Variants in RGS12 observed in about 807,000 individuals in gnomAD.
RGS12 encodes the protein regulator of G protein signaling 12.
Under a neutral mutation model 120.1 loss-of-function variants are expected in RGS12, and 66 were observed. The ratio of observed to expected loss-of-function variants is 0.55; its 90% CI spans 0.45 to 0.67. The LOEUF (loss-of-function observed/expected upper bound fraction) is 0.67. Among genes scored for constraint, RGS12 ranks in the 30% least tolerant of loss-of-function variants. The pLI is 0.00. For synonymous variants in RGS12, 827 were observed against 804.7 expected, an observed-to-expected ratio of 1.03 and a Z score of -0.47; for missense variants, 1,859 against 1,957.7, an observed-to-expected ratio of 0.95 and a Z score of 0.95.
intron 1 of RGS12, among the ~76,000 whole-genome samples, chr4:3,300,171 G>T (rs1027613712): frequency 3.3e-5 from 5 of 152,234 alleles, no homozygotes; most frequent in Non-Finnish European, 1.5e-5. Context: ...CTGGGAACAG[G>T]TGCTCGCCTC....
intron 2 of RGS12, among the ~76,000 whole-genome samples, chr4:3,323,339 A>G (rs984364408): frequency 9.2e-5 from 14 of 152,260 alleles, no homozygotes; most frequent in African/African-American, 3.4e-4. Context: ...CACAATGCGA[A>G]CAGCACTGTA....
the RGS12 span, among the ~76,000 whole-genome samples, chr4:3,286,408 C>T: frequency 1.3e-5 from 2 of 152,260 alleles, no homozygotes; most frequent in Non-Finnish European, 2.9e-5. Flanking sequence ...TGGGGATTTT[C>T]TGTGTGCTCC....
Position 3,322,542 on chromosome 4 carries a change from C to T in RGS12, c.1881+4491C>T, listed in dbSNP as rs927488260. 6.6e-5 allele frequency among the ~76,000 whole-genome samples: 10 copies of T among 151,876 alleles called. No individual in the cohort carries two copies. In the East Asian group the frequency reaches 9.6e-4, roughly 15 times the overall value. ...TGCCTTGTGTTTCATTTAAGGCAAG[C>T]GTGTTTAATTCTGTGTCTCTGCAAA... On this transcript the variant is annotated intron_variant, in intron 2 of 17. Transcript: ENST00000336727.
intron 2 of RGS12, among the ~76,000 whole-genome samples, chr4:3,329,701 A>G (rs1173669780): frequency 6.6e-6 from 1 of 152,230 alleles, no homozygotes; most frequent in Non-Finnish European, 1.5e-5. Flanking sequence ...AAATGACTGA[A>G]TTAAATCTGT....
chr4:3,343,255 AG>A (rs1713437417), intron 3 of RGS12: 4 of 523,678 alleles, frequency 7.6e-6, no homozygotes, highest in Non-Finnish European at 1.4e-5. Context: ...GAGCTGTCAC[AG>A]GGCTTTCTGG....
chr4:3,438,799 T>C (rs560371113), intron 17 of RGS12, among the ~76,000 whole-genome samples: 2 of 148,994 alleles, frequency 1.3e-5, no homozygotes, highest in African/African-American at 5.0e-5. Flanking sequence ...GAGCCAGAAG[T>C]GGGGCAAGAG....
At position 3,377,013 on chromosome 4, in the gene RGS12, C is replaced by CT. The variant is rs772104697; in HGVS notation, c.1999-9387dup. ...TAGGTGCAAATTGGATTGTTAAATT[C>CT]TTTTTTTTTTTTTTTTGAGACAGGG... On this transcript the variant is annotated intron_variant, in intron 3 of 17. Coordinates refer to ENST00000336727, the MANE Select transcript of RGS12 (RefSeq NM_001394154.1). 3.6e-3 allele frequency among the ~76,000 whole-genome samples: 507 copies of CT among 139,924 alleles called. 1 individual carries two copies. Among genetic ancestry groups the CT allele is most frequent in the Middle Eastern group, 0.011 (3 of 272 alleles). The allele number at this position is 139,924 out of a possible 152,430, so 91.8% of individuals were successfully genotyped here. A position where few individuals can be genotyped will look rare whatever the true frequency, so the allele number is the denominator to read the frequency against.
At chr4:3,358,156 G>T (rs1015259850) in intron 3 of RGS12, among the ~76,000 whole-genome samples, 21 of 152,026 alleles carry the variant, frequency 1.4e-4, no homozygotes, top group African/African-American at 4.8e-4. Flanking sequence ...CACTGTTAGT[G>T]TAGAAATGCA....
intron 2 of RGS12, among the ~76,000 whole-genome samples, chr4:3,330,094 G>A (rs957846401): frequency 5.3e-5 from 8 of 152,188 alleles, no homozygotes; most frequent in Admixed American, 5.2e-4. Flanking sequence ...TCACATGGGA[G>A]GTCTCTAAGC....
rs759649582 is a variant in RGS12, at chr4:3,316,213, C to T, written c.43C>T (p.Pro15Ser). ...GEASKRPLPG[P>S]SPPRVRSVEV... Reference sequence around the variant, plus strand: ...GGCCTCCAAACGCCCATTGCCTGGGCCGTCGCCCCCAAGGGTGCGGAGTGT... The same window carrying T: ...GGCCTCCAAACGCCCATTGCCTGGGTCGTCGCCCCCAAGGGTGCGGAGTGT... Residue 15 changes from proline (P) to serine (S), a missense_variant, in exon 2 of 18, where the codon CCG becomes TCG. This residue lies in a region of RGS12 where 967 missense variants were observed against 994.2 expected (regional missense o/e 0.97). Coordinates refer to ENST00000336727, the MANE Select transcript of RGS12 (RefSeq NM_001394154.1). 9 of 1,596,314 alleles carry T rather than the reference C, an allele frequency of 5.6e-6. No individual in the cohort carries two copies. Among genetic ancestry groups the T allele is most frequent in the Non-Finnish European group, 1.7e-6 (2 of 1,169,788 alleles).
upstream of RGS12, among the ~76,000 whole-genome samples, chr4:3,289,141 T>C (rs1297252995): frequency 2.0e-5 from 3 of 152,224 alleles, no homozygotes; most frequent in Non-Finnish European, 2.9e-5. Flanking sequence ...TCAGAGAACA[T>C]TGTTTTACAT....
rs1231521230 is a variant in RGS12 at position 3,375,709 on chromosome 4, C to T, written c.1999-10707C>T. Among the ~76,000 whole-genome samples, 10 of 137,526 alleles carry T rather than the reference C, an allele frequency of 7.3e-5. 1 individual carries two copies. Among genetic ancestry groups the T allele is most frequent in the African/African-American group, 2.7e-4 (10 of 37,330 alleles). 90.2% of individuals were successfully genotyped at this position (137,526 alleles called of 152,430 possible). ...CTCCAGCCTCATCTCCAGCCCTCATCTCCAGCCTCATCTCCAGCCCTCATC... is the reference window on the plus strand; with the variant it reads ...CTCCAGCCTCATCTCCAGCCCTCATTTCCAGCCTCATCTCCAGCCCTCATC... On this transcript the variant is annotated intron_variant, in intron 3 of 17. Coordinates refer to ENST00000336727, the MANE Select transcript of RGS12 (RefSeq NM_001394154.1).
At chr4:3,424,431 A>C (rs979201736) in intron 13 of RGS12, among the ~76,000 whole-genome samples, 8 of 152,232 alleles carry the variant, frequency 5.3e-5, no homozygotes, top group African/African-American at 1.9e-4. Flanking sequence ...CCCGCGCTGC[A>C]GGCTCCATCC....
rs745582375 is a variant in RGS12, at chr4:3,316,228, G to T, written c.58G>T (p.Val20Leu). 6.2e-6 allele frequency: 10 copies of T among 1,611,548 alleles called. 1 individual carries two copies. The East Asian group carries it at 2.0e-4, about 32-fold the overall frequency. ...RPLPGPSPPRVRSVEVARGRA... is the reference protein window; with the variant it reads ...RPLPGPSPPRLRSVEVARGRA... ...ATTGCCTGGGCCGTCGCCCCCAAGG[G>T]TGCGGAGTGTGGAGGTTGCCCGGGG... The change falls in exon 2 of 18, where the codon GTG (valine) becomes TTG (leucine). Residue 20 changes from valine to leucine, a missense_variant. Coordinates refer to ENST00000336727, the MANE Select transcript of RGS12 (RefSeq NM_001394154.1).
Position 3,433,216 on chromosome 4 carries a change from C to G in RGS12, c.4114+2261C>G, listed in dbSNP as rs575341415. Among the ~76,000 whole-genome samples, 6 of 152,336 alleles carry G rather than the reference C, an allele frequency of 3.9e-5. No homozygotes were observed. The highest frequency in any genetic ancestry group is 1.2e-4 in the African/African-American group (5 of 41,570). On this transcript the variant is annotated intron_variant, in intron 17 of 17. Transcript: ENST00000336727. This position sits in a 1 kb window ranked among gnomAD's most constrained non-coding sequence, Gnocchi z 4.4. ...TCACGCTCTCCGACGTTGACAGTTG[C>G]TGTGGGATGCTTCCTCACAATGTGG... is the stretch of plus-strand genomic sequence containing the variant.
At chr4:3,424,730 C>T (rs1156940021) in intron 13 of RGS12, among the ~76,000 whole-genome samples, 2 of 152,336 alleles carry the variant, frequency 1.3e-5, no homozygotes, top group East Asian at 1.9e-4. Flanking sequence ...TGGGATGTGG[C>T]TTTTCCTTGG....
At chr4:3,363,394 GCT>G (rs146299222) in intron 3 of RGS12, among the ~76,000 whole-genome samples, 3 of 152,262 alleles carry the variant, frequency 2.0e-5, no homozygotes, top group East Asian at 1.9e-4. Context: ...CTTGGCTCAT[GCT>G]CTGTTTCTTT....
intron 4 of RGS12, among the ~76,000 whole-genome samples, chr4:3,408,570 C>T (rs1041537533): frequency 2.0e-5 from 3 of 152,164 alleles, no homozygotes; most frequent in Non-Finnish European, 4.4e-5. Flanking sequence ...TTTTGAAAAA[C>T]GTGTGTGTTG....
At chr4:3,291,452 T>C (rs1223486070), upstream of RGS12, among the ~76,000 whole-genome samples, 1 of 151,490 alleles carries the variant, frequency 6.6e-6, no homozygotes, top group African/African-American at 2.4e-5. Flanking sequence ...GCTCAAGTGA[T>C]TCTCCTGACT....
Sources: gnomAD v4.1 joint callset for allele counts (sites outside exome capture counted in the v4.1 genomes callset) on GRCh38, gnomAD v4.1.1 for gene constraint, gnomAD v4.1.1 regional missense constraint, Gnocchi (gnomAD v3.1) non-coding constraint, MANE v1.5 for transcripts, NCBI Gene and HGNC (gene_info 2026-07-23, HGNC 2026-07-21) for gene names.